Variants in GATD1 observed in about 807,000 individuals in gnomAD.
GATD1 encodes glutamine amidotransferase class 1 domain containing 1.
GATD1 carries 23 observed loss-of-function variants against 25.9 expected under a neutral mutation model. The observed-to-expected ratio is 0.89, with a 90% CI of 0.64 to 1.26. The LOEUF is 1.26. GATD1 is among the 50% of genes most tolerant of loss of function. The probability of loss-of-function intolerance (pLI) is 0.00; values close to 1 mark genes in which losing one functional copy is unlikely to be tolerated. For missense variants in GATD1, 347 were observed against 312.5 expected (o/e 1.11, Z -0.83); for synonymous variants, 177 against 134.6 (o/e 1.31, Z -2.18).
chr11:776,331 T>C (rs1000352175), intron 1 of GATD1, among the ~76,000 whole-genome samples: 1 of 152,094 alleles, frequency 6.6e-6, no homozygotes, highest in African/African-American at 2.4e-5. Context: ...TGTCCACTTA[T>C]CGAGGAAAAA....
At chr11:772,703 C>A in intron 4 of GATD1, 182 bp from the exon 5 acceptor site, 2 of 609,912 alleles carry the variant, frequency 3.3e-6, no homozygotes. Flanking sequence ...CAGCTGGCAT[C>A]AGGAATCTGC....
In GATD1 at chr11:774,929, T is replaced by G. The variant is rs1863811169; in HGVS notation, c.141+137A>C. 32 of 723,640 alleles carry G rather than the reference T, an allele frequency of 4.4e-5. No individual in the cohort carries two copies. The South Asian group carries it at 5.9e-4, about 13-fold the overall frequency. The allele number at this position is 723,640 out of a possible 1,614,324, so 44.8% of individuals were successfully genotyped here. A position where few individuals can be genotyped will look rare whatever the true frequency, so the allele number is the denominator to read the frequency against. On this transcript the variant is annotated intron_variant, in intron 2 of 7. Coordinates refer to ENST00000319863, the MANE Select transcript of GATD1 (RefSeq NM_182612.4). ...CAGGGGGACGCCACCAGGGTTTGGT[T>G]ACAGACTCTTCACCCCTCCACCAAC...
intron 4 of GATD1, 34 bp downstream of exon 4, chr11:773,488 C>T: frequency 6.4e-7 from 1 of 1,555,038 alleles, no homozygotes; most frequent in Non-Finnish European, 8.8e-7. Context: ...CACTGCACAT[C>T]CAACCCCTCC....
Position 770,519 on chromosome 11 carries a change from G to A in GATD1, c.*378C>T. 1 of 1,423,644 alleles carries A rather than the reference G, an allele frequency of 7.0e-7. No individual in the cohort carries two copies. Among genetic ancestry groups the A allele is most frequent in the South Asian group, 1.5e-5 (1 of 66,030 alleles). 88.2% of individuals were successfully genotyped at this position (1,423,644 alleles called of 1,614,324 possible). On this transcript the variant is annotated 3_prime_UTR_variant, in exon 8 of 8. Coordinates refer to ENST00000319863, the MANE Select transcript of GATD1 (RefSeq NM_182612.4). ...TGGGTGGCAGACAGGCCACAGCAGG[G>A]CAAACCCACACAGAGGACCCCCGAG...
chr11:771,977 C>T (rs1235398764), intron 5 of GATD1, among the ~76,000 whole-genome samples: 1 of 152,164 alleles, frequency 6.6e-6, no homozygotes, highest in Non-Finnish European at 1.5e-5. Context: ...GTGGATCAGC[C>T]ACTCCCACAG....
intron 1 of GATD1, among the ~76,000 whole-genome samples, chr11:775,873 C>G (rs1191262738): frequency 6.6e-6 from 1 of 152,170 alleles, no homozygotes; most frequent in South Asian, 2.1e-4. Flanking sequence ...CCCTGCCTGC[C>G]GGAGAGCACT....
rs1412845830 is a variant in GATD1, at chr11:770,011, GA to G, written c.*885del. Reference sequence around the variant, plus strand: ...TGGGAACGGCTGTGGCTGAGACGGGGAGGTGGGCAGGAAGAAGGCCTTCGAT... The same window carrying G: ...TGGGAACGGCTGTGGCTGAGACGGGGGGTGGGCAGGAAGAAGGCCTTCGAT... On this transcript the variant is annotated 3_prime_UTR_variant, in exon 8 of 8. Coordinates refer to ENST00000319863, the MANE Select transcript of GATD1 (RefSeq NM_182612.4). 4 of 1,071,068 alleles carry G rather than the reference GA, an allele frequency of 3.7e-6. No homozygotes were observed. Among genetic ancestry groups the G allele is most frequent in the Non-Finnish European group, 4.5e-6 (4 of 886,114 alleles). 66.3% of individuals were successfully genotyped at this position (1,071,068 alleles called of 1,614,324 possible).
At position 772,469 on chromosome 11, in the gene GATD1, G is replaced by A. The variant is rs374570823; in HGVS notation, c.408C>T (p.Asn136=). 2.9e-4 allele frequency: 468 copies of A among 1,613,174 alleles called. No individual in the cohort carries two copies. Among genetic ancestry groups the A allele is most frequent in the Non-Finnish European group, 3.9e-4 (457 of 1,179,990 alleles). ...HGVAALCCAT[N]EDRSWVFDSY... is the part of the protein sequence containing the mutation. ...TGTCGAACACCCAGGATCTGTCCTCGTTGGTGGCACAGCACAGGGCGGCGA... is the reference window on the plus strand; with the variant it reads ...TGTCGAACACCCAGGATCTGTCCTCATTGGTGGCACAGCACAGGGCGGCGA... The change falls in exon 5 of 8, where the codon AAC becomes AAT. Residue 136 remains asparagine (N), a synonymous_variant. Transcript: ENST00000319863.
At chr11:775,913 G>C (rs1003404292) in intron 1 of GATD1, among the ~76,000 whole-genome samples, 1 of 148,432 alleles carries the variant, frequency 6.7e-6, no homozygotes, top group African/African-American at 2.5e-5. Context: ...AGCGTGAGCT[G>C]TATCTCTCTA....
chr11:775,455 C>A lies in GATD1; in HGVS notation c.65-313G>T, dbSNP rs150030704. 1.0e-3 allele frequency among the ~76,000 whole-genome samples: 158 copies of A among 152,366 alleles called. 1 individual carries two copies. Among genetic ancestry groups the A allele is most frequent in the African/African-American group, 3.8e-3 (157 of 41,582 alleles). ...CTGGCACTGTCACCTCCAGCCTCAG[C>A]CAGAAGCTGGGAGAGGATGCAGCCC... On this transcript the variant is annotated intron_variant, in intron 1 of 7. Coordinates refer to ENST00000319863, the MANE Select transcript of GATD1 (RefSeq NM_182612.4).
chr11:769,748 TAC>T lies in GATD1; in HGVS notation c.*1147_*1148del. 4.6e-6 allele frequency: 1 copy of T among 215,928 alleles called. No individual in the cohort carries two copies. Among genetic ancestry groups the T allele is most frequent in the Non-Finnish European group, 7.9e-6 (1 of 126,394 alleles). The allele number at this position is 215,928 out of a possible 1,614,324, so 13.4% of individuals were successfully genotyped here. On this transcript the variant is annotated 3_prime_UTR_variant, in exon 8 of 8. Transcript: ENST00000319863. ...CCTCAGCCTCCCAAGTAGCTGGGAC[TAC>T]ACACACCCACCACCATGCCAGGCTA...
In GATD1 at chr11:770,303, G is replaced by A; in HGVS notation, c.*594C>T. ...AATGCTTAGGACAGGGTGCATCACT[G>A]AGGTGCTTACACTTTGAAACCACAC... is the stretch of plus-strand genomic sequence containing the variant. On this transcript the variant is annotated 3_prime_UTR_variant, in exon 8 of 8. Coordinates refer to ENST00000319863, the MANE Select transcript of GATD1 (RefSeq NM_182612.4). 2 of 1,527,504 alleles carry A rather than the reference G, an allele frequency of 1.3e-6. No homozygotes were observed. Among genetic ancestry groups the A allele is most frequent in the Non-Finnish European group, 1.7e-6 (2 of 1,143,010 alleles). 94.6% of individuals were successfully genotyped at this position (1,527,504 alleles called of 1,614,324 possible).
chr11:776,223 C>T (rs1362944059), intron 1 of GATD1, among the ~76,000 whole-genome samples: 1 of 152,056 alleles, frequency 6.6e-6, no homozygotes, highest in Non-Finnish European at 1.5e-5. Context: ...CCTCGTGATC[C>T]GCCCGCCTCA....
In GATD1 at chr11:775,055, G is replaced by A. The variant is rs375505807; in HGVS notation, c.141+11C>T. 1,531 of 1,596,756 alleles carry A rather than the reference G, an allele frequency of 9.6e-4. 6 individuals carry two copies. The highest frequency in any genetic ancestry group is 1.0e-3 in the Non-Finnish European group (1,230 of 1,172,814). ...CCAAGTGTCCAGTGGGGAAGGAGAGGCTGGACTTACCCCAGGGGTGGCCAC... is the reference window on the plus strand; with the variant it reads ...CCAAGTGTCCAGTGGGGAAGGAGAGACTGGACTTACCCCAGGGGTGGCCAC... On this transcript the variant is annotated intron_variant, in intron 2 of 7. Transcript: ENST00000319863.
Position 777,420 on chromosome 11 carries a change from C to T in GATD1, c.43G>A (p.Val15Met). The change falls in exon 1 of 8, where the codon GTG becomes ATG. Residue 15 changes from valine (V) to methionine (M), a missense_variant. Transcript: ENST00000319863. ...RLPNRPACLLVASGAAEGVSA... is the reference protein window; with the variant it reads ...RLPNRPACLLMASGAAEGVSA... ...TCACCTTCGGCGGCGCCGCTGGCCACGAGCAGACAGGCGGGCCTGTTAGGG... is the reference window on the plus strand; with the variant it reads ...TCACCTTCGGCGGCGCCGCTGGCCATGAGCAGACAGGCGGGCCTGTTAGGG... 9 of 1,292,172 alleles carry T rather than the reference C, an allele frequency of 7.0e-6. No homozygotes were observed. Among genetic ancestry groups the T allele is most frequent in the Non-Finnish European group, 8.8e-6 (9 of 1,018,914 alleles). The allele number at this position is 1,292,172 out of a possible 1,614,324, so 80.0% of individuals were successfully genotyped here.
intron 1 of GATD1, 94 bp downstream of exon 1, chr11:777,305 A>C (rs1864100230): frequency 2.1e-6 from 2 of 958,586 alleles, no homozygotes; most frequent in Middle Eastern, 4.4e-4. Context: ...CTCCGGCGCC[A>C]CGTGACGCGC....
intron 3 of GATD1, among the ~76,000 whole-genome samples, 162 bp from the exon 4 acceptor site, chr11:773,791 C>T (rs1456974465): frequency 6.6e-6 from 1 of 152,154 alleles, no homozygotes; most frequent in African/African-American, 2.4e-5. Flanking sequence ...CCCAAGGGCC[C>T]CCCTGACTTT....
intron 6 of GATD1, 97 bp from the exon 7 acceptor site, chr11:771,201 G>A: frequency 1.9e-6 from 3 of 1,544,818 alleles, no homozygotes; most frequent in African/African-American, 2.7e-5. Flanking sequence ...CAGTAGGTCA[G>A]CCTGTCTGGG....
In GATD1 at chr11:769,131, CCA is replaced by C. The variant is rs2133600790; in HGVS notation, c.*1764_*1765del. 1 of 984,788 alleles carries C rather than the reference CCA, an allele frequency of 1.0e-6. No individual in the cohort carries two copies. The highest frequency in any genetic ancestry group is 6.2e-5 in the Admixed American group (1 of 16,258). 61.0% of individuals were successfully genotyped at this position (984,788 alleles called of 1,614,324 possible). ...AATAAATAAAATAAAAAGCATTTGT[CCA>C]CAGAGGTCCATCACCACACGGGGAT... On this transcript the variant is annotated 3_prime_UTR_variant, in exon 8 of 8. Transcript: ENST00000319863.
Sources: allele counts gnomAD v4.1 joint callset (sites outside exome capture counted in the v4.1 genomes callset), GRCh38; gene constraint gnomAD v4.1.1; transcripts MANE v1.5; gene names NCBI Gene and HGNC (gene_info 2026-07-23, HGNC 2026-07-21).